Variants in SLC39A10 observed in about 807,000 individuals in gnomAD.
The protein encoded by SLC39A10 is solute carrier family 39 member 10, also known as zinc transporter ZIP10.
SLC39A10 carries 13 observed loss-of-function variants against 65.1 expected under a neutral mutation model. The ratio of observed to expected loss-of-function variants is 0.20; its 90% CI spans 0.13 to 0.32. The LOEUF (loss-of-function observed/expected upper bound fraction) is 0.32, where lower values mean the gene tolerates loss of function less well. Among genes scored for constraint, SLC39A10 ranks in the 10% least tolerant of loss-of-function variants. The probability of loss-of-function intolerance (pLI) is 1.00; values close to 1 mark genes in which losing one functional copy is unlikely to be tolerated. For missense variants in SLC39A10, 831 were observed against 1,018.4 expected, an observed-to-expected ratio of 0.82 and a Z score of 2.50; for synonymous variants, 321 against 342.2, an observed-to-expected ratio of 0.94 and a Z score of 0.68.
At position 195,716,770 on chromosome 2, in the gene SLC39A10, T is replaced by C; in HGVS notation, c.1830T>C (p.Ser610=). The C allele has an allele frequency of 2.5e-6, 4 of 1,614,170 alleles. No homozygotes were observed. Among genetic ancestry groups the C allele is most frequent in the Non-Finnish European group, 3.4e-6 (4 of 1,180,018 alleles). The part of the protein sequence containing the change: ...EEEKIIDHSH[S]DGLHTIHEHD... The stretch of plus-strand genomic sequence containing the variant: ...AGAAAATCATAGACCATTCTCACAG[T>C]GATGGATTACATACCATTCATGAGC... The change falls in exon 7 of 10, where the codon AGT becomes AGC. Residue 610 remains serine, a synonymous_variant. Coordinates refer to ENST00000359634, the MANE Select transcript of SLC39A10 (RefSeq NM_020342.3).
chr2:195,630,145 T>G (rs1394417978), intron 2 of SLC39A10, among the ~76,000 whole-genome samples: 1 of 111,444 alleles, frequency 9.0e-6, no homozygotes, highest in Non-Finnish European at 1.8e-5. Flanking sequence ...ATGGTTTGGG[T>G]TTTTTTTTTT....
intron 3 of SLC39A10, 47 bp from the exon 4 acceptor site, chr2:195,706,569 G>A: frequency 6.6e-7 from 1 of 1,521,016 alleles, no homozygotes; most frequent in Non-Finnish European, 9.0e-7. Context: ...GTAGTCTGTT[G>A]GTTTAAATTG....
intron 3 of SLC39A10, among the ~76,000 whole-genome samples, chr2:195,694,594 T>A (rs529448903): frequency 6.6e-6 from 1 of 152,308 alleles, no homozygotes; most frequent in South Asian, 2.1e-4. Flanking sequence ...AGACCTGTGG[T>A]GTGATCCACC....
intron 2 of SLC39A10, among the ~76,000 whole-genome samples, chr2:195,617,734 A>C (rs867116863): frequency 1.4e-5 from 2 of 144,954 alleles, no homozygotes; most frequent in Admixed American, 7.6e-5. Flanking sequence ...CTTTTATTTT[A>C]TTTTATTTTA....
intron 3 of SLC39A10, among the ~76,000 whole-genome samples, chr2:195,686,028 A>C (rs557201176): frequency 6.6e-6 from 1 of 152,224 alleles, no homozygotes; most frequent in Non-Finnish European, 1.5e-5. Context: ...ATGAAAAACT[A>C]TGACGGAATT....
intron 1 of SLC39A10, among the ~76,000 whole-genome samples, chr2:195,679,569 T>C (rs1690224082): frequency 6.6e-6 from 1 of 152,224 alleles, no homozygotes; most frequent in African/African-American, 2.4e-5. Context: ...TATCCAGTCA[T>C]AACATGATAT....
chr2:195,640,380 A>G (rs1688783931), intron 2 of SLC39A10, among the ~76,000 whole-genome samples: 1 of 152,052 alleles, frequency 6.6e-6, no homozygotes, highest in Admixed American at 6.5e-5. Context: ...AGAGTGATCA[A>G]ATTGGATGAA....
chr2:195,702,459 A>G (rs2105804774), intron 3 of SLC39A10, among the ~76,000 whole-genome samples: 1 of 152,308 alleles, frequency 6.6e-6, no homozygotes, highest in Middle Eastern at 3.4e-3. Context: ...TTCCCCTAGA[A>G]GTTGCAAGCC....
At chr2:195,623,453 C>A (rs911883192) in intron 2 of SLC39A10, among the ~76,000 whole-genome samples, 2 of 152,128 alleles carry the variant, frequency 1.3e-5, no homozygotes, top group African/African-American at 4.8e-5. Flanking sequence ...CATTCTTGCA[C>A]TAGAAGTGCA....
At chr2:195,619,700 AACTT>A (rs1432538618) in intron 2 of SLC39A10, among the ~76,000 whole-genome samples, 1 of 152,220 alleles carries the variant, frequency 6.6e-6, no homozygotes, top group Non-Finnish European at 1.5e-5. Flanking sequence ...AGACAGAATG[AACTT>A]GCAAATGGAG....
At chr2:195,708,513 G>A (rs905467059) in intron 4 of SLC39A10, 143 bp from the exon 5 acceptor site, 1 of 587,562 alleles carries the variant, frequency 1.7e-6, no homozygotes, top group Non-Finnish European at 2.8e-6. Flanking sequence ...GGAAGACTAA[G>A]TGAGATAATA....
chr2:195,651,677 G>A (rs961724062), intron 2 of SLC39A10, among the ~76,000 whole-genome samples: 1 of 152,088 alleles, frequency 6.6e-6, no homozygotes, highest in African/African-American at 2.4e-5. Context: ...TTTTCATCAT[G>A]TTGGCCAGGC....
intron 3 of SLC39A10, among the ~76,000 whole-genome samples, chr2:195,700,646 T>C (rs1691141458): frequency 6.6e-6 from 1 of 152,212 alleles, no homozygotes. Flanking sequence ...GGGAATGTCT[T>C]AGTTTCTCCC....
rs78881707 is a variant in SLC39A10, at chr2:195,705,759, T to C, written c.1217-857T>C. Among the ~76,000 whole-genome samples, 2,906 of 152,274 alleles carry C rather than the reference T, an allele frequency of 0.019. 232 individuals carry two copies. In the East Asian group the frequency reaches 0.26, roughly 14 times the overall value. ...CAGAATTTTAAAAACTAATAACATT[T>C]CTATTTCATTTTAGGCCAATAATAG... On this transcript the variant is annotated intron_variant, in intron 3 of 9. Coordinates refer to ENST00000359634, the MANE Select transcript of SLC39A10 (RefSeq NM_020342.3).
At chr2:195,691,951 C>T (rs939470882) in intron 3 of SLC39A10, among the ~76,000 whole-genome samples, 5 of 152,142 alleles carry the variant, frequency 3.3e-5, no homozygotes, top group African/African-American at 1.2e-4. Context: ...AAGCCAATGT[C>T]TAGAAGGGTG....
chr2:195,695,911 T>A (rs980622015), intron 3 of SLC39A10, among the ~76,000 whole-genome samples: 9 of 152,232 alleles, frequency 5.9e-5, no homozygotes, highest in Non-Finnish European at 8.8e-5. Flanking sequence ...TTTATAGTTT[T>A]AGGTCATATA....
intron 5 of SLC39A10, among the ~76,000 whole-genome samples, chr2:195,710,764 G>A (rs1295912220): frequency 6.6e-6 from 1 of 152,192 alleles, no homozygotes; most frequent in African/African-American, 2.4e-5. Context: ...ATGATAAAAG[G>A]AACTGGGAAA....
rs1689687401 is a variant in SLC39A10, at chr2:195,667,686, G to C, written c.-12+10405G>C. Among the ~76,000 whole-genome samples the C allele has an allele frequency of 2.6e-5, 4 of 152,116 alleles. No individual in the cohort carries two copies. In the South Asian group the frequency reaches 6.2e-4, roughly 24 times the overall value. Reference sequence around the variant, plus strand: ...CAGTTTCGTATACATTGGTTTATTTGGTGGATAAGTGTAGGTATTATTTTC... The same window carrying C: ...CAGTTTCGTATACATTGGTTTATTTCGTGGATAAGTGTAGGTATTATTTTC... On this transcript the variant is annotated intron_variant, in intron 1 of 9. Transcript: ENST00000359634.
chr2:195,662,274 CTT>C (rs778924026), intron 1 of SLC39A10, among the ~76,000 whole-genome samples: 19 of 140,672 alleles, frequency 1.4e-4, no homozygotes, highest in Non-Finnish European at 1.9e-4. Flanking sequence ...GTGGTGTTCC[CTT>C]TTTTTTTTTT....
Sources: allele counts gnomAD v4.1 joint callset (sites outside exome capture counted in the v4.1 genomes callset), GRCh38; gene constraint gnomAD v4.1.1; transcripts MANE v1.5; gene names NCBI Gene and HGNC (gene_info 2026-07-23, HGNC 2026-07-21).